The following CFI variants were observed in gnomAD, a reference collection of about 807,000 sequenced individuals.
The protein encoded by CFI is C3B/C4B inactivator.
A neutral mutation model predicts 78.8 loss-of-function variants in CFI; 66 were observed. That is an observed-to-expected ratio of 0.84 (90% confidence interval 0.69 to 1.03). The LOEUF (loss-of-function observed/expected upper bound fraction) is 1.03, where lower values mean the gene tolerates loss of function less well. Among genes scored for constraint, CFI ranks in the 50% least tolerant of loss-of-function variants. The pLI is 0.00. For missense variants in CFI, 706 were observed against 704.5 expected (o/e 1.00, Z -0.02); for synonymous variants, 250 against 232.6 (o/e 1.07, Z -0.68).
chr4:109,764,657 G>T lies in CFI; in HGVS notation c.362C>A (p.Thr121Lys). The T allele has an allele frequency of 1.9e-6, 3 of 1,613,864 alleles. No individual in the cohort carries two copies. Among genetic ancestry groups the T allele is most frequent in the Non-Finnish European group, 2.5e-6 (3 of 1,179,924 alleles). The change falls in exon 3 of 13, where the codon ACA becomes AAA. Residue 121 changes from threonine (T) to lysine (K), a missense_variant. Physicochemically the swap from Thr to Lys is moderately conservative, Grantham distance 78. Transcript: ENST00000394634. ...KFSVSLKHGN[T>K]DSEGIVEVKL... is the part of the protein sequence containing the mutation. ...TACTTCAACTATTCCCTCTGAATCT[G>T]TATTTCCATGCTTCAAGGAAACACT...
chr4:109,775,813 C>CATTTGCTGTTCTGAAAT (rs1729156262), intron 1 of CFI, among the ~76,000 whole-genome samples: 1 of 152,162 alleles, frequency 6.6e-6, no homozygotes, highest in African/African-American at 2.4e-5. Flanking sequence ...GAGGAAGCAA[C>CATTTGCTGTTCTGAAAT]ATTTGCTGTT....
At chr4:109,798,970 G>A (rs1017741370) in intron 1 of CFI, among the ~76,000 whole-genome samples, 6 of 151,982 alleles carry the variant, frequency 3.9e-5, no homozygotes, top group Admixed American at 3.9e-4. Context: ...GATTGGTTCT[G>A]TCCTGGGCAC....
rs368615806 is a variant in CFI at position 109,761,616 on chromosome 4, G to A, written c.559C>T (p.Arg187Ter). ...TCAGCCAAACTGGTCTCTAATCCTC[G>A]GCAATGCACATGTAGACATTCAGTG... The part of the protein sequence containing the change: ...NSTECLHVHC[R>*]GLETSLAECT... Residue 187 changes from arginine (R) to a stop codon, truncating the protein, a stop_gained, in exon 4 of 13, where the codon CGA (arginine) becomes TGA (stop). Transcript: ENST00000394634. LOFTEE classifies it high-confidence loss of function. 2.6e-5 allele frequency: 42 copies of A among 1,613,470 alleles called. No individual in the cohort carries two copies. Among genetic ancestry groups the A allele is most frequent in the African/African-American group, 9.4e-5 (7 of 74,846 alleles).
At position 109,761,607 on chromosome 4, in the gene CFI, C is replaced by T; in HGVS notation, c.568G>A (p.Glu190Lys). 6.2e-7 allele frequency: 1 copy of T among 1,613,972 alleles called. No homozygotes were observed. Among genetic ancestry groups the T allele is most frequent in the South Asian group, 1.1e-5 (1 of 91,082 alleles). Residue 190 changes from glutamate (E) to lysine (K), a missense_variant, in exon 4 of 13, where the codon GAG becomes AAG. Coordinates refer to ENST00000394634, the MANE Select transcript of CFI (RefSeq NM_000204.5). ...ECLHVHCRGL[E>K]TSLAECTFTK... ...AAAGTACATTCAGCCAAACTGGTCT[C>T]TAATCCTCGGCAATGCACATGTAGA...
intron 7 of CFI, among the ~76,000 whole-genome samples, chr4:109,756,313 AAAAGAGGAGGGAGGG>A (rs967377461): frequency 1.4e-3 from 1 of 696 alleles, no homozygotes; most frequent in Admixed American, 0.029. Flanking sequence ...AGGAGGAAGG[AAAAGAGGAGGGAGGG>A]AGGGAAAAAA....
chr4:109,747,724 C>T (rs1724651637), intron 10 of CFI, among the ~76,000 whole-genome samples: 1 of 152,004 alleles, frequency 6.6e-6, no homozygotes, highest in African/African-American at 2.4e-5. Flanking sequence ...ATCAGTGTTC[C>T]TCAACCTTTT....
chr4:109,758,132 T>G (rs1726558726), intron 6 of CFI, among the ~76,000 whole-genome samples: 1 of 152,048 alleles, frequency 6.6e-6, no homozygotes, highest in African/African-American at 2.4e-5. Flanking sequence ...CAATGATAGT[T>G]GGCTAAATGT....
intron 2 of CFI, among the ~76,000 whole-genome samples, chr4:109,765,666 C>G (rs901101348): frequency 6.6e-6 from 1 of 152,118 alleles, no homozygotes; most frequent in Non-Finnish European, 1.5e-5. Context: ...ACATGAAGCA[C>G]CTGGAAGGGA....
chr4:109,786,933 T>C (rs969253649), intron 1 of CFI, among the ~76,000 whole-genome samples: 1 of 152,112 alleles, frequency 6.6e-6, no homozygotes, highest in Non-Finnish European at 1.5e-5. Context: ...CAGGGTGTAT[T>C]ACCCTGTTCT....
chr4:109,764,149 A>G (rs1727427754), intron 3 of CFI, among the ~76,000 whole-genome samples: 1 of 151,090 alleles, frequency 6.6e-6, no homozygotes, highest in Admixed American at 6.6e-5. Context: ...GTTTATACTC[A>G]CTGTATAGTT....
intron 1 of CFI, among the ~76,000 whole-genome samples, chr4:109,773,610 C>T (rs557056360): frequency 1.3e-5 from 2 of 152,272 alleles, no homozygotes; most frequent in African/African-American, 4.8e-5. Context: ...ATGATACACT[C>T]TTTATAATTC....
chr4:109,740,351 A>C (rs2126177141), downstream of CFI, among the ~76,000 whole-genome samples: 1 of 151,388 alleles, frequency 6.6e-6, no homozygotes, highest in East Asian at 1.9e-4. Context: ...AGAGAGAAAG[A>C]GAGAAAGAAA....
At chr4:109,769,651 G>A (rs921826163) in intron 1 of CFI, among the ~76,000 whole-genome samples, 2 of 152,196 alleles carry the variant, frequency 1.3e-5, no homozygotes, top group African/African-American at 4.8e-5. Context: ...AATGCTGGCA[G>A]TACCTCTCCT....
At chr4:109,756,871 CGAAAGAAAGAAAGAAAG>C (rs1726226419) in intron 7 of CFI, among the ~76,000 whole-genome samples, 1 of 113,764 alleles carries the variant, frequency 8.8e-6, no homozygotes. Context: ...GACTCCGTCT[CGAAAGAAAGAAAGAAAG>C]GAAAGAAAGA....
At chr4:109,735,631 G>T in the CFI span, among the ~76,000 whole-genome samples, 3 of 152,268 alleles carry the variant, frequency 2.0e-5, no homozygotes, top group African/African-American at 7.2e-5. Context: ...GTTAATTTTT[G>T]TCCAGGATGA....
chr4:109,787,892 G>A (rs117022035), intron 1 of CFI, among the ~76,000 whole-genome samples: 1 of 151,734 alleles, frequency 6.6e-6, no homozygotes, highest in African/African-American at 2.4e-5. Flanking sequence ...TTTTTGAATA[G>A]GAAACAGAGA....
At chr4:109,790,677 G>C (rs1731266379) in intron 1 of CFI, among the ~76,000 whole-genome samples, 1 of 152,126 alleles carries the variant, frequency 6.6e-6, no homozygotes, top group Non-Finnish European at 1.5e-5. Flanking sequence ...ACTTATAAAT[G>C]AGAACATGTG....
intron 1 of CFI, among the ~76,000 whole-genome samples, chr4:109,779,986 A>T (rs1202902913): frequency 2.6e-5 from 4 of 152,182 alleles, no homozygotes; most frequent in Non-Finnish European, 1.5e-5. Context: ...ACCTTATAAA[A>T]AATTAATTCA....
intron 12 of CFI, 90 bp from the exon 13 acceptor site, chr4:109,741,200 C>T: frequency 1.3e-6 from 2 of 1,596,984 alleles, no homozygotes; most frequent in Non-Finnish European, 1.7e-6. Context: ...ACAACTTTGG[C>T]TTTTTTACAG....
Sources: allele counts gnomAD v4.1 joint callset (sites outside exome capture counted in the v4.1 genomes callset), GRCh38; gene constraint gnomAD v4.1.1; transcripts MANE v1.5; gene names NCBI Gene and HGNC (gene_info 2026-07-23, HGNC 2026-07-21).